The following ARSG variants were observed in gnomAD, a reference collection of about 807,000 sequenced individuals.
ARSG encodes arylsulfatase G.
Under a neutral mutation model 50.5 loss-of-function variants are expected in ARSG, and 37 were observed. The ratio of observed to expected loss-of-function variants is 0.73; its 90% CI spans 0.56 to 0.96. The LOEUF (loss-of-function observed/expected upper bound fraction) is 0.96. Among genes scored for constraint, ARSG ranks in the 50% least tolerant of loss-of-function variants. The pLI, the probability that ARSG is intolerant of heterozygous loss-of-function variation, is 0.00. For missense variants in ARSG, 629 were observed against 675.3 expected (o/e 0.93, Z 0.76); for synonymous variants, 225 against 254.6 (o/e 0.88, Z 1.11).
chr17:68,375,023 A>C (rs1049108168), intron 8 of ARSG, among the ~76,000 whole-genome samples: 1 of 152,264 alleles, frequency 6.6e-6, no homozygotes, highest in Admixed American at 6.5e-5. Flanking sequence ...AACTATGCTT[A>C]GTGCTGGTGC....
At position 68,343,806 on chromosome 17, in the gene ARSG, C is replaced by G. The variant is rs769462580; in HGVS notation, c.406+15C>G. ...TGGGATAATAGGTAACTCTGGGCCC[C>G]GTCTGCCTGTTGCATTTACTGCAGT... On this transcript the variant is annotated intron_variant, in intron 3 of 11. Coordinates refer to ENST00000621439, the MANE Select transcript of ARSG (RefSeq NM_001267727.2). 1 of 1,593,778 alleles carries G rather than the reference C, an allele frequency of 6.3e-7. No homozygotes were observed. Among genetic ancestry groups the G allele is most frequent in the South Asian group, 1.1e-5 (1 of 89,430 alleles).
At chr17:68,335,810 A>G (rs2077992135) in intron 2 of ARSG, among the ~76,000 whole-genome samples, 1 of 152,226 alleles carries the variant, frequency 6.6e-6, no homozygotes, top group African/African-American at 2.4e-5. Flanking sequence ...GCACAGATGC[A>G]TGGGAGTAAT....
chr17:68,406,210 A>C (rs910195082), intron 11 of ARSG, among the ~76,000 whole-genome samples: 2 of 152,202 alleles, frequency 1.3e-5, no homozygotes, highest in African/African-American at 2.4e-5. Context: ...GTTGCTGCAA[A>C]TGCTGTTGAT....
intron 3 of ARSG, chr17:68,346,815 G>A (rs2078525393): frequency 7.4e-7 from 1 of 1,346,138 alleles, no homozygotes; most frequent in Non-Finnish European, 9.7e-7. Flanking sequence ...CCCATGTGGG[G>A]TTGCTGTGTC....
chr17:68,349,025 A>ATT (rs2078636032), intron 4 of ARSG, among the ~76,000 whole-genome samples: 1 of 152,178 alleles, frequency 6.6e-6, no homozygotes, highest in Non-Finnish European at 1.5e-5. Context: ...AGCAAGGCCA[A>ATT]GCATGGTGGC....
intron 1 of ARSG, among the ~76,000 whole-genome samples, chr17:68,304,137 A>G (rs78992172): frequency 0.015 from 2,358 of 152,354 alleles, 59 homozygotes; most frequent in African/African-American, 0.054. Flanking sequence ...TTGACCAGGC[A>G]TGAGGCCACT....
chr17:68,398,224 G>A (rs561508227), intron 10 of ARSG, among the ~76,000 whole-genome samples: 1 of 152,256 alleles, frequency 6.6e-6, no homozygotes, highest in South Asian at 2.1e-4. Flanking sequence ...ACATATGCAT[G>A]CTTATGTTTA....
downstream of ARSG, chr17:68,424,333 C>A: frequency 4.2e-6 from 2 of 471,588 alleles, no homozygotes; most frequent in East Asian, 1.3e-4. Context: ...AAAACAACAG[C>A]CCCAGCCCTG....
intron 2 of ARSG, among the ~76,000 whole-genome samples, chr17:68,338,455 C>T (rs1818712774): frequency 6.6e-6 from 1 of 152,132 alleles, no homozygotes. Context: ...TCAAGACAAG[C>T]TTCTGGAGTT....
intron 1 of ARSG, among the ~76,000 whole-genome samples, chr17:68,279,989 C>T (rs1415731048): frequency 6.6e-6 from 1 of 151,918 alleles, no homozygotes; most frequent in African/African-American, 2.4e-5. Context: ...CGAGACCAGC[C>T]TGGCCAACAT....
intron 9 of ARSG, among the ~76,000 whole-genome samples, chr17:68,386,534 A>G (rs528409195): frequency 3.2e-4 from 48 of 152,238 alleles, no homozygotes; most frequent in African/African-American, 1.1e-3. Context: ...GCCCCCAGAA[A>G]TTCCGGGTCA....
chr17:68,362,672 G>A (rs4968894), intron 6 of ARSG, among the ~76,000 whole-genome samples: 27,430 of 152,158 alleles, frequency 0.18, 3,011 homozygotes, highest in Non-Finnish European at 0.25. Context: ...TACTTAACCG[G>A]CTGAGCATCC....
the ARSG span, among the ~76,000 whole-genome samples, chr17:68,447,515 A>G: frequency 6.6e-6 from 1 of 151,774 alleles, no homozygotes; most frequent in African/African-American, 2.4e-5. Flanking sequence ...CCAAGTAGCT[A>G]GGCCTACGGG....
At chr17:68,380,523 C>T (rs951727427) in intron 8 of ARSG, among the ~76,000 whole-genome samples, 2 of 152,178 alleles carry the variant, frequency 1.3e-5, no homozygotes, top group Non-Finnish European at 2.9e-5. Flanking sequence ...CCTGTCTTGG[C>T]CTCCCAAAGT....
chr17:68,266,230 TG>T (rs1356768390), intron 1 of ARSG, among the ~76,000 whole-genome samples: 2 of 152,144 alleles, frequency 1.3e-5, no homozygotes, highest in East Asian at 3.9e-4. Context: ...TTGATTATAT[TG>T]TTTAATTTTT....
At chr17:68,438,179 T>C in the ARSG span, among the ~76,000 whole-genome samples, 4 of 152,308 alleles carry the variant, frequency 2.6e-5, no homozygotes, top group East Asian at 5.8e-4. Flanking sequence ...TGTCCTCTTA[T>C]CACTTGCCAT....
intron 2 of ARSG, among the ~76,000 whole-genome samples, chr17:68,339,026 T>G (rs549726768): frequency 2.4e-4 from 37 of 152,328 alleles, no homozygotes; most frequent in African/African-American, 8.7e-4. Flanking sequence ...ACAGCCAGCT[T>G]AAGGGGCCAA....
At chr17:68,363,480 T>C (rs956889666) in intron 6 of ARSG, among the ~76,000 whole-genome samples, 7 of 152,000 alleles carry the variant, frequency 4.6e-5, no homozygotes, top group African/African-American at 1.7e-4. Context: ...TCTTCTTTCT[T>C]TTTTGAGATG....
intron 1 of ARSG, among the ~76,000 whole-genome samples, chr17:68,293,499 T>C (rs1375599257): frequency 6.6e-6 from 1 of 151,758 alleles, no homozygotes; most frequent in Non-Finnish European, 1.5e-5. Flanking sequence ...ATTCTAATAA[T>C]AATAATAATA....
Sources: allele counts gnomAD v4.1 joint callset (sites outside exome capture counted in the v4.1 genomes callset), GRCh38; gene constraint gnomAD v4.1.1; transcripts MANE v1.5; gene names NCBI Gene and HGNC (gene_info 2026-07-23, HGNC 2026-07-21).